ZFPM1: variants seen among roughly 807,000 people sequenced by gnomAD.
ZFPM1 encodes the protein zinc finger protein, FOG family member 1.
A neutral mutation model predicts 46.3 loss-of-function variants in ZFPM1; 28 were observed. That is an observed-to-expected ratio of 0.60 (90% CI 0.45 to 0.83). ZFPM1 has a LOEUF of 0.83. Among genes scored for constraint, ZFPM1 ranks in the 40% least tolerant of loss-of-function variants. The pLI is 0.00. For missense variants in ZFPM1, 1,878 were observed against 1,432.4 expected (o/e 1.31, Z -5.02); for synonymous variants, 957 against 675.9 (o/e 1.42, Z -6.45).
chr16:88,490,056 AT>A (rs573735372), intron 3 of ZFPM1, among the ~76,000 whole-genome samples: 5,147 of 143,270 alleles, frequency 0.036, 115 homozygotes, highest in South Asian at 0.084. Flanking sequence ...AGTATTTATT[AT>A]TTTTTTTTTT....
At position 88,534,283 on chromosome 16, in the gene ZFPM1, C is replaced by G; in HGVS notation, c.2325C>G (p.Ser775Arg). Residue 775 changes from serine to arginine, a missense_variant, in exon 10 of 10, where the codon AGC becomes AGG. Ser to Arg is a moderately radical substitution (Grantham distance 110, BLOSUM62 -1). Coordinates refer to ENST00000319555, the MANE Select transcript of ZFPM1 (RefSeq NM_153813.3). ...AGTCGCCGCGGCCCGGAAGCGGAAGCGGAAGCGGCCCCGGCCTCGCCCCTG... is the reference window on the plus strand; with the variant it reads ...AGTCGCCGCGGCCCGGAAGCGGAAGGGGAAGCGGCCCCGGCCTCGCCCCTG... ...APESPRPGSG[S>R]GSGPGLAPAR... 3 of 1,163,610 alleles carry G rather than the reference C, an allele frequency of 2.6e-6. No individual in the cohort carries two copies. The highest frequency in any genetic ancestry group is 3.2e-6 in the Non-Finnish European group (3 of 947,618). 72.1% of individuals were successfully genotyped at this position (1,163,610 alleles called of 1,614,324 possible).
At chr16:88,502,448 G>A (rs974486630) in intron 3 of ZFPM1, among the ~76,000 whole-genome samples, 3 of 151,938 alleles carry the variant, frequency 2.0e-5, no homozygotes, top group South Asian at 4.2e-4. Context: ...CCCCAACCCC[G>A]TCCCTGTGCC....
At chr16:88,457,001 T>C (rs768999470) in intron 1 of ZFPM1, among the ~76,000 whole-genome samples, 1 of 152,132 alleles carries the variant, frequency 6.6e-6, no homozygotes, top group African/African-American at 2.4e-5. Context: ...ACAAGGTGTT[T>C]TTCACACACT....
At chr16:88,500,358 G>T (rs1049487439) in intron 3 of ZFPM1, among the ~76,000 whole-genome samples, 54 of 152,312 alleles carry the variant, frequency 3.5e-4, no homozygotes, top group African/African-American at 1.3e-3. Context: ...GGGCGCTCTT[G>T]GGAGGACCCT....
chr16:88,456,771 GA>G (rs1311768196), intron 1 of ZFPM1, among the ~76,000 whole-genome samples: 3 of 152,182 alleles, frequency 2.0e-5, no homozygotes, highest in Non-Finnish European at 4.4e-5. Flanking sequence ...CTCCCACTCT[GA>G]AAAATGGAAT....
intron 3 of ZFPM1, 156 bp downstream of exon 3, chr16:88,489,309 T>G: frequency 8.3e-7 from 1 of 1,210,184 alleles, no homozygotes; most frequent in Non-Finnish European, 1.1e-6. Flanking sequence ...AGCCAACCCG[T>G]GCAGCTGGTG....
chr16:88,494,668 C>T (rs370366626), intron 3 of ZFPM1, among the ~76,000 whole-genome samples: 1 of 152,152 alleles, frequency 6.6e-6, no homozygotes, highest in East Asian at 1.9e-4. Context: ...GGCAGGAGGC[C>T]GCAGGGCCTG....
chr16:88,518,539 G>GTGGA (rs1158277646), intron 4 of ZFPM1, among the ~76,000 whole-genome samples: 7 of 149,196 alleles, frequency 4.7e-5, no homozygotes, highest in East Asian at 2.0e-4. Context: ...AGATGGATGA[G>GTGGA]TGGATGGATG....
At chr16:88,479,528 G>A (rs546774422) in intron 1 of ZFPM1, among the ~76,000 whole-genome samples, 3 of 152,154 alleles carry the variant, frequency 2.0e-5, no homozygotes, top group Admixed American at 1.3e-4. Flanking sequence ...TCAACAGAGC[G>A]AGCGGGGCCG....
In ZFPM1 at chr16:88,512,320, G is replaced by A. The variant is rs543400933; in HGVS notation, c.269-2067G>A. ...CCTTGAGGTGTGATACGCGGCAGGT[G>A]TGGACGCTGCAGGCCCAAGCTCCTC... On this transcript the variant is annotated intron_variant, in intron 3 of 9. Transcript: ENST00000319555. Among the ~76,000 whole-genome samples, 15 of 152,308 alleles carry A rather than the reference G, an allele frequency of 9.8e-5. No homozygotes were observed. In the South Asian group the frequency reaches 2.9e-3, roughly 29 times the overall value.
chr16:88,458,207 C>T (rs763552697), intron 1 of ZFPM1, among the ~76,000 whole-genome samples: 14 of 152,214 alleles, frequency 9.2e-5, no homozygotes, highest in Non-Finnish European at 1.9e-4. Context: ...TCTCCATCCT[C>T]CGGCTTCTGT....
intron 1 of ZFPM1, among the ~76,000 whole-genome samples, chr16:88,478,851 G>T (rs1445154320): frequency 6.6e-6 from 1 of 152,208 alleles, no homozygotes; most frequent in Non-Finnish European, 1.5e-5. Flanking sequence ...GGTTTAAGAA[G>T]CCAGGTGACA....
intron 3 of ZFPM1, among the ~76,000 whole-genome samples, chr16:88,514,065 G>T (rs1911133047): frequency 6.6e-6 from 1 of 152,212 alleles, no homozygotes; most frequent in Non-Finnish European, 1.5e-5. Context: ...ACTCAGGCCA[G>T]CGTTGCACTG....
At chr16:88,512,617 G>A (rs1042941249) in intron 3 of ZFPM1, among the ~76,000 whole-genome samples, 11 of 151,820 alleles carry the variant, frequency 7.2e-5, no homozygotes, top group African/African-American at 1.5e-4. Flanking sequence ...AGCTCCAAGC[G>A]TTTCTGACAG....
chr16:88,535,292 G>T lies in ZFPM1; in HGVS notation c.*313G>T, dbSNP rs113526506. 643 of 232,782 alleles carry T rather than the reference G, an allele frequency of 2.8e-3. 7 individuals are homozygous for T. Among genetic ancestry groups the T allele is most frequent in the African/African-American group, 0.014 (610 of 44,220 alleles). 14.4% of individuals were successfully genotyped at this position (232,782 alleles called of 1,614,324 possible). On this transcript the variant is annotated 3_prime_UTR_variant, in exon 10 of 10. Transcript: ENST00000319555. Reference sequence around the variant, plus strand: ...GGGCCCCTGCCGGAGTTACACCACTGGGTGCTAAGAGCTAGACCGAGCGTC... The same window carrying T: ...GGGCCCCTGCCGGAGTTACACCACTTGGTGCTAAGAGCTAGACCGAGCGTC...
At chr16:88,491,986 G>T (rs1395675927) in intron 3 of ZFPM1, among the ~76,000 whole-genome samples, 1 of 152,132 alleles carries the variant, frequency 6.6e-6, no homozygotes, top group African/African-American at 2.4e-5. Flanking sequence ...AGTGGCCAGG[G>T]CACAATAGGG....
At chr16:88,454,373 G>A (rs866390489) in intron 1 of ZFPM1, among the ~76,000 whole-genome samples, 2 of 152,218 alleles carry the variant, frequency 1.3e-5, no homozygotes, top group Non-Finnish European at 2.9e-5. Flanking sequence ...CCGCCAGCCT[G>A]GTGACACCTC....
Position 88,471,898 on chromosome 16 carries a change from G to A in ZFPM1, c.41-14041G>A, listed in dbSNP as rs1245222120. 2.6e-5 allele frequency among the ~76,000 whole-genome samples: 4 copies of A among 152,278 alleles called. No individual in the cohort carries two copies. Among genetic ancestry groups the A allele is most frequent in the Non-Finnish European group, 5.9e-5 (4 of 68,050 alleles). On this transcript the variant is annotated intron_variant, in intron 1 of 9. Transcript: ENST00000319555. This position sits in a 1 kb window ranked among gnomAD's most constrained non-coding sequence, Gnocchi z 4.1. The stretch of plus-strand genomic sequence containing the variant: ...CACCATGTTCCACTGGGTTATTCCT[G>A]AGGGGACCTGCAGGTCCGCAAGAGC...
intron 1 of ZFPM1, among the ~76,000 whole-genome samples, chr16:88,468,209 C>A (rs368854755): frequency 6.8e-6 from 1 of 147,744 alleles, no homozygotes; most frequent in African/African-American, 2.5e-5. Flanking sequence ...CTCAAGCACC[C>A]GCGAGCCCAC....
Sources: gnomAD v4.1 joint callset for allele counts (sites outside exome capture counted in the v4.1 genomes callset) on GRCh38, gnomAD v4.1.1 for gene constraint, Gnocchi (gnomAD v3.1) non-coding constraint, MANE v1.5 for transcripts, NCBI Gene and HGNC (gene_info 2026-07-23, HGNC 2026-07-21) for gene names.